The following EXTL2 variants were observed in gnomAD, a reference collection of about 807,000 sequenced individuals.
EXTL2 encodes the protein exostosin like glycosyltransferase 2, also known as exostosin-like 2.
In EXTL2, 23 loss-of-function variants were observed where a neutral mutation model predicts 30.7. The observed-to-expected ratio is 0.75, with a 90% CI of 0.54 to 1.06. The LOEUF is 1.06. EXTL2 is among the 50% of genes least tolerant of loss of function. EXTL2 has a pLI of 0.00. For synonymous variants in EXTL2, 123 were observed against 133.8 expected, an observed-to-expected ratio of 0.92 and a Z score of 0.56; for missense variants, 352 against 396.3, an observed-to-expected ratio of 0.89 and a Z score of 0.95.
intron 4 of EXTL2, among the ~76,000 whole-genome samples, chr1:100,875,218 T>A (rs1420842658): frequency 7.8e-6 from 1 of 128,898 alleles, no homozygotes; most frequent in South Asian, 2.6e-4. Flanking sequence ...ATTGAACAGA[T>A]GCAGAACTAG....
chr1:100,891,254 G>A (rs1650402913), intron 1 of EXTL2, among the ~76,000 whole-genome samples: 1 of 152,126 alleles, frequency 6.6e-6, no homozygotes, highest in Non-Finnish European at 1.5e-5. Context: ...GTATGCTTCT[G>A]GTTGTATAAA....
chr1:100,886,624 C>A (rs1173027178), intron 2 of EXTL2, among the ~76,000 whole-genome samples: 1 of 152,178 alleles, frequency 6.6e-6, no homozygotes, highest in Non-Finnish European at 1.5e-5. Context: ...CTTCAGGCAG[C>A]TATTATCAAT....
intron 2 of EXTL2, among the ~76,000 whole-genome samples, chr1:100,884,127 C>T (rs548120878): frequency 2.2e-4 from 34 of 152,268 alleles, no homozygotes; most frequent in African/African-American, 7.7e-4. Context: ...ACAGCATGAA[C>T]AAAGATTATG....
chr1:100,879,049 A>G (rs893384756), intron 2 of EXTL2, among the ~76,000 whole-genome samples: 1 of 152,180 alleles, frequency 6.6e-6, no homozygotes, highest in Admixed American at 6.5e-5. Context: ...CAGTCTAGCT[A>G]TCCACTGTCA....
chr1:100,886,293 A>G (rs1391386815), intron 2 of EXTL2, among the ~76,000 whole-genome samples: 4 of 152,248 alleles, frequency 2.6e-5, no homozygotes, highest in African/African-American at 9.6e-5. Context: ...TCAGTATCAC[A>G]TTTAAATAGA....
rs114786563 is a variant in EXTL2 at position 100,877,754 on chromosome 1, C to T, written c.155G>A (p.Arg52His). 103 of 1,613,228 alleles carry T rather than the reference C, an allele frequency of 6.4e-5. No homozygotes were observed. Among genetic ancestry groups the T allele is most frequent in the African/African-American group, 2.4e-4 (18 of 74,976 alleles). The change falls in exon 3 of 5, where the codon CGT (arginine) becomes CAT (histidine). Residue 52 changes from arginine to histidine, a missense_variant. Arg to His is a conservative substitution (Grantham distance 29). Transcript: ENST00000370114. The surrounding 1 kb of genome is among the most constrained non-coding windows in gnomAD (Gnocchi z 4.1). ...SVKEDKMLML[R>H]REIKSQGKST... ...CTTGCCCTGGGATTTTATTTCCCTA[C>T]GCAACATGAGCATCTTGTCTTCTTT...
Position 100,893,469 on chromosome 1 carries a change from T to C in EXTL2, c.-72+1164A>G, listed in dbSNP as rs116032462. On this transcript the variant is annotated intron_variant, in intron 1 of 4. Transcript: ENST00000370114. ...TGATTTGCCTGTCACAACCCCCCCCTTTCTTCATAACTACTCTTTTCCATA... is the reference window on the plus strand; with the variant it reads ...TGATTTGCCTGTCACAACCCCCCCCCTTCTTCATAACTACTCTTTTCCATA... Among the ~76,000 whole-genome samples, 400 of 152,098 alleles carry C rather than the reference T, an allele frequency of 2.6e-3. 7 individuals are homozygous for C. Among genetic ancestry groups the C allele is most frequent in the African/African-American group, 9.4e-3 (391 of 41,384 alleles).
intron 2 of EXTL2, among the ~76,000 whole-genome samples, chr1:100,888,145 T>C (rs1650127951): frequency 6.6e-6 from 1 of 152,258 alleles, no homozygotes; most frequent in Non-Finnish European, 1.5e-5. Context: ...TCTCAGTATT[T>C]TCTAAGATTT....
intron 2 of EXTL2, among the ~76,000 whole-genome samples, chr1:100,885,334 T>A (rs1570468298): frequency 6.6e-6 from 1 of 152,244 alleles, no homozygotes; most frequent in East Asian, 1.9e-4. Flanking sequence ...CATCATTTGA[T>A]GGATAATATC....
chr1:100,895,069 A>C (rs1040463163), upstream of EXTL2: 4 of 152,284 alleles, frequency 2.6e-5, no homozygotes, highest in Admixed American at 2.6e-4. Flanking sequence ...GCGGGTGCCC[A>C]GGAAAGGCCT....
chr1:100,891,406 G>A (rs1361334531), intron 1 of EXTL2, among the ~76,000 whole-genome samples: 1 of 152,214 alleles, frequency 6.6e-6, no homozygotes, highest in Admixed American at 6.5e-5. Flanking sequence ...AATCTATGCA[G>A]AGCTGGTTGT....
intron 2 of EXTL2, among the ~76,000 whole-genome samples, chr1:100,879,124 A>G (rs1028303595): frequency 3.9e-5 from 6 of 152,200 alleles, no homozygotes; most frequent in African/African-American, 1.2e-4. Context: ...ACAGTTTTAT[A>G]GATGCCTAAA....
chr1:100,876,462 T>C (rs1463223758), intron 4 of EXTL2, among the ~76,000 whole-genome samples: 1 of 152,088 alleles, frequency 6.6e-6, no homozygotes, highest in Non-Finnish European at 1.5e-5. Context: ...GGCTTATCAT[T>C]TGAGACACAT....
intron 1 of EXTL2, among the ~76,000 whole-genome samples, chr1:100,889,046 A>G (rs1650199056): frequency 6.6e-6 from 1 of 152,230 alleles, no homozygotes; most frequent in African/African-American, 2.4e-5. Flanking sequence ...TTTGGTTTTC[A>G]TCTTTCTATT....
chr1:100,886,082 T>C (rs1649944588), intron 2 of EXTL2, among the ~76,000 whole-genome samples: 1 of 152,258 alleles, frequency 6.6e-6, no homozygotes, highest in Non-Finnish European at 1.5e-5. Flanking sequence ...TTTAGATGAC[T>C]ACAATCTGGA....
chr1:100,874,224 T>G lies in EXTL2; in HGVS notation c.711A>C (p.Ile237=). Residue 237 remains isoleucine (I), a synonymous_variant, in exon 5 of 5, where the codon ATA becomes ATC. Transcript: ENST00000370114. ...TATCATCACAGTTTTGAGTATCATC[T>G]ATCAAAGCATGGACAGCTGCAGGTT... ...QRQPAAVHAL[I]DDTQNCDDIA... 2 of 1,612,886 alleles carry G rather than the reference T, an allele frequency of 1.2e-6. No homozygotes were observed. The highest frequency in any genetic ancestry group is 1.7e-6 in the Non-Finnish European group (2 of 1,179,368).
chr1:100,891,936 G>A (rs1424016925), intron 1 of EXTL2, among the ~76,000 whole-genome samples: 1 of 152,202 alleles, frequency 6.6e-6, no homozygotes, highest in Non-Finnish European at 1.5e-5. Context: ...GAGGTTAGAA[G>A]CAAGACGGAG....
chr1:100,889,082 A>T (rs181320490), intron 1 of EXTL2, among the ~76,000 whole-genome samples: 8 of 152,328 alleles, frequency 5.3e-5, no homozygotes, highest in Non-Finnish European at 1.0e-4. Flanking sequence ...CTGTTTTCAC[A>T]CTGCTATAAA....
In EXTL2 at chr1:100,877,555, A is replaced by C; in HGVS notation, c.354T>G (p.Pro118=). 1.2e-6 allele frequency: 2 copies of C among 1,613,368 alleles called. No homozygotes were observed. Among genetic ancestry groups the C allele is most frequent in the Non-Finnish European group, 1.7e-6 (2 of 1,179,558 alleles). Residue 118 remains proline (P), a synonymous_variant, in exon 3 of 5, where the codon CCT becomes CCG. Transcript: ENST00000370114. This position sits in a 1 kb window ranked among gnomAD's most constrained non-coding sequence, Gnocchi z 4.1. ...DELWNSLGPH[P]IPVIFKQQTA... Reference sequence around the variant, plus strand: ...TCTGTTGTTTGAAGATCACAGGGATAGGGTGGGGCCCTAGAGAATTCCATA... The same window carrying C: ...TCTGTTGTTTGAAGATCACAGGGATCGGGTGGGGCCCTAGAGAATTCCATA...
Sources: gnomAD v4.1 joint callset for allele counts (sites outside exome capture counted in the v4.1 genomes callset) on GRCh38, gnomAD v4.1.1 for gene constraint, Gnocchi (gnomAD v3.1) non-coding constraint, MANE v1.5 for transcripts, NCBI Gene and HGNC (gene_info 2026-07-23, HGNC 2026-07-21) for gene names.